The following AOPEP variants were observed in gnomAD, a reference collection of about 807,000 sequenced individuals.
The protein encoded by AOPEP is aminopeptidase O.
A neutral mutation model predicts 98.1 loss-of-function variants in AOPEP; 77 were observed. The observed-to-expected ratio is 0.78, with a 90% CI of 0.65 to 0.95. AOPEP has a LOEUF of 0.95. Ranked by LOEUF, AOPEP falls within the 40% of genes least tolerant of loss-of-function variation. The probability of loss-of-function intolerance (pLI) is 0.00; values close to 1 mark genes in which losing one functional copy is unlikely to be tolerated. For missense variants in AOPEP, 1,024 were observed against 1,024.7 expected (o/e 1.00, Z 0.01); for synonymous variants, 346 against 365.3 (o/e 0.95, Z 0.60).
chr9:95,137,173 T>C, the AOPEP span, among the ~76,000 whole-genome samples: 1 of 152,162 alleles, frequency 6.6e-6, no homozygotes, highest in African/African-American at 2.4e-5. Flanking sequence ...GGGCCACTTC[T>C]CTGCAGAGCT....
intron 5 of AOPEP, among the ~76,000 whole-genome samples, chr9:94,831,863 G>C (rs1387142113): frequency 1.5e-4 from 23 of 152,028 alleles, no homozygotes. Flanking sequence ...ACTGCTCAAG[G>C]AAATCAGAGA....
the AOPEP span, among the ~76,000 whole-genome samples, chr9:95,149,450 TA>T: frequency 2.0e-5 from 3 of 151,166 alleles, no homozygotes; most frequent in Non-Finnish European, 4.4e-5. Context: ...AAGTTAAAAA[TA>T]AAAAAATAAA....
rs75586702 is a variant in AOPEP at position 94,784,300 on chromosome 9, G to T, written c.965-8465G>T. On this transcript the variant is annotated intron_variant, in intron 3 of 16. Transcript: ENST00000375315. ...AAATTTCTTATTTAATTTACTATTG[G>T]TAGGCATGACTGATGTGTAAAAATG... Among the ~76,000 whole-genome samples, 73 of 152,250 alleles carry T rather than the reference G, an allele frequency of 4.8e-4. 1 individual carries two copies. Among genetic ancestry groups the T allele is most frequent in the African/African-American group, 1.7e-3 (71 of 41,554 alleles).
At chr9:95,070,179 G>C (rs576571086) in intron 14 of AOPEP, among the ~76,000 whole-genome samples, 1 of 152,218 alleles carries the variant, frequency 6.6e-6, no homozygotes, top group African/African-American at 2.4e-5. Flanking sequence ...CTGGAATGCC[G>C]TTTGCCCTGT....
chr9:95,096,379 C>T, the AOPEP span, among the ~76,000 whole-genome samples: 120 of 152,150 alleles, frequency 7.9e-4, no homozygotes, highest in Middle Eastern at 3.4e-3. Flanking sequence ...CTTCAGAACT[C>T]GCCCTGAGTC....
intron 2 of AOPEP, 50 bp downstream of exon 2, chr9:94,760,630 T>C (rs1838044371): frequency 1.4e-6 from 2 of 1,422,926 alleles, no homozygotes; most frequent in Middle Eastern, 1.8e-4. Flanking sequence ...TCTTGTACGC[T>C]GCGGGGATGC....
At chr9:95,107,383 TGA>T in the AOPEP span, 2 of 1,141,854 alleles carry the variant, frequency 1.8e-6, no homozygotes, top group Non-Finnish European at 2.5e-6. Context: ...CACTGGCCCC[TGA>T]GAGAGGGAGC....
chr9:95,012,154 A>G (rs1363233586), intron 13 of AOPEP, among the ~76,000 whole-genome samples: 2 of 152,234 alleles, frequency 1.3e-5, no homozygotes, highest in South Asian at 2.1e-4. Context: ...AAAGAAGTCA[A>G]ACAATTGCTA....
At chr9:94,991,785 C>A (rs556176173) in intron 11 of AOPEP, among the ~76,000 whole-genome samples, 1 of 152,120 alleles carries the variant, frequency 6.6e-6, no homozygotes, top group African/African-American at 2.4e-5. Flanking sequence ...TATTTCTAAA[C>A]GGTAGCCCTA....
chr9:95,058,112 C>T (rs2066993522), intron 13 of AOPEP, among the ~76,000 whole-genome samples: 1 of 152,182 alleles, frequency 6.6e-6, no homozygotes, highest in African/African-American at 2.4e-5. Flanking sequence ...GCTGAGCTTT[C>T]AGCTTAAAAG....
At chr9:95,097,453 G>T in the AOPEP span, among the ~76,000 whole-genome samples, 2 of 152,204 alleles carry the variant, frequency 1.3e-5, no homozygotes, top group Non-Finnish European at 2.9e-5. Context: ...CCTGGGCAGG[G>T]GTGTGGAAAG....
intron 13 of AOPEP, among the ~76,000 whole-genome samples, chr9:95,055,335 C>A (rs898403211): frequency 6.6e-6 from 1 of 152,070 alleles, no homozygotes; most frequent in Non-Finnish European, 1.5e-5. Context: ...TGGCTCTGAA[C>A]GTTTTCTGTT....
chr9:95,109,868 T>C, the AOPEP span: 2 of 152,248 alleles, frequency 1.3e-5, no homozygotes, highest in Non-Finnish European at 2.9e-5. Context: ...CAACAGACCA[T>C]CAAGGGATTA....
At chr9:94,767,258 C>G (rs555245676) in intron 2 of AOPEP, among the ~76,000 whole-genome samples, 3 of 152,116 alleles carry the variant, frequency 2.0e-5, no homozygotes, top group Non-Finnish European at 4.4e-5. Context: ...TTGGAAGGGT[C>G]GTGTTTTAGC....
rs772628323 is a variant in AOPEP, at chr9:94,956,009, T to C, written c.1866T>C (p.Leu622=). ...ACACATTTCATGGACAGCTGATTCT[T>C]TCCCAGGTAACTTATGGGTCCTCAT... ...FVHTFHGQLI[L]SQDFLQMLLE... Residue 622 remains leucine (L), a synonymous_variant, in exon 9 of 17, where the codon CTT becomes CTC. Coordinates refer to ENST00000375315, the MANE Select transcript of AOPEP (RefSeq NM_001193329.3). 3 of 1,606,440 alleles carry C rather than the reference T, an allele frequency of 1.9e-6. No homozygotes were observed. The highest frequency in any genetic ancestry group is 2.6e-6 in the Non-Finnish European group (3 of 1,173,432).
At chr9:95,048,867 C>G (rs1353107264) in intron 13 of AOPEP, 1 of 152,198 alleles carries the variant, frequency 6.6e-6, no homozygotes, top group Non-Finnish European at 1.5e-5. Flanking sequence ...CTGGGGCTAT[C>G]AAGAAAGTTC....
chr9:94,785,655 G>A (rs1844270153), intron 3 of AOPEP, among the ~76,000 whole-genome samples: 2 of 152,156 alleles, frequency 1.3e-5, no homozygotes, highest in South Asian at 2.1e-4. Context: ...AATGAATCCC[G>A]ACCTGGCTGT....
intron 11 of AOPEP, among the ~76,000 whole-genome samples, chr9:95,003,643 CTATTTA>C (rs1384185912): frequency 5.3e-5 from 8 of 152,174 alleles, no homozygotes; most frequent in Admixed American, 6.5e-5. Flanking sequence ...AAACCATTAA[CTATTTA>C]TATATATTTC....
chr9:94,788,218 G>T (rs886243339), intron 3 of AOPEP, among the ~76,000 whole-genome samples: 8 of 151,876 alleles, frequency 5.3e-5, no homozygotes, highest in Admixed American at 3.9e-4. Context: ...TCACAGGCAG[G>T]CACCACCAAT....
Sources: allele counts gnomAD v4.1 joint callset (sites outside exome capture counted in the v4.1 genomes callset), GRCh38; gene constraint gnomAD v4.1.1; transcripts MANE v1.5; gene names NCBI Gene and HGNC (gene_info 2026-07-23, HGNC 2026-07-21).